LHPP: variants seen among roughly 807,000 people sequenced by gnomAD.
LHPP encodes the protein hLHPP.
In LHPP, 24 loss-of-function variants were observed where a neutral mutation model predicts 30.3. That is an observed-to-expected ratio of 0.79 (90% confidence interval 0.57 to 1.11). The LOEUF (loss-of-function observed/expected upper bound fraction) is 1.11, where lower values mean the gene tolerates loss of function less well. Ranked by LOEUF, LHPP falls within the 50% of genes most tolerant of loss-of-function variation. The probability of loss-of-function intolerance (pLI) is 0.00; values close to 1 mark genes in which losing one functional copy is unlikely to be tolerated. For missense variants in LHPP, 356 were observed against 367.2 expected (o/e 0.97, Z 0.25); for synonymous variants, 150 against 157.1 (o/e 0.95, Z 0.34).
rs534252631 is a variant in LHPP, at chr10:124,549,421, C to G, written c.716+32150C>G. Among the ~76,000 whole-genome samples the G allele has an allele frequency of 6.0e-5, 9 of 149,930 alleles. No individual in the cohort carries two copies. In the South Asian group the frequency reaches 1.9e-3, roughly 32 times the overall value. On this transcript the variant is annotated intron_variant, in intron 6 of 6. Transcript: ENST00000368842. ...GCCATGCACTCCAGCCTGGACAACACAGCAAGACCCTGTCTCAAAAAAAAA... is the reference window on the plus strand; with the variant it reads ...GCCATGCACTCCAGCCTGGACAACAGAGCAAGACCCTGTCTCAAAAAAAAA...
intron 1 of LHPP, among the ~76,000 whole-genome samples, chr10:124,473,259 G>T (rs1261895651): frequency 6.6e-6 from 1 of 152,206 alleles, no homozygotes; most frequent in Non-Finnish European, 1.5e-5. Flanking sequence ...TGGCAAAGCA[G>T]TGCCACACCT....
At chr10:124,532,823 C>T (rs762653120) in intron 6 of LHPP, among the ~76,000 whole-genome samples, 1 of 152,198 alleles carries the variant, frequency 6.6e-6, no homozygotes, top group Non-Finnish European at 1.5e-5. Context: ...TCCCAACTGT[C>T]CCTATGGCCC....
chr10:124,515,747 C>G (rs1483493418), intron 5 of LHPP, among the ~76,000 whole-genome samples: 2 of 152,198 alleles, frequency 1.3e-5, no homozygotes, highest in South Asian at 2.1e-4. Flanking sequence ...CTTCTGAGAT[C>G]GCACTCAATG....
At chr10:124,555,425 A>T (rs951787954) in intron 6 of LHPP, among the ~76,000 whole-genome samples, 2 of 152,142 alleles carry the variant, frequency 1.3e-5, no homozygotes, top group African/African-American at 4.8e-5. Flanking sequence ...GGCCCTCCCC[A>T]CTTGTCCAAA....
chr10:124,613,184 T>G, intron 6 of LHPP, 80 bp from the exon 7 acceptor site: 1 of 1,075,940 alleles, frequency 9.3e-7, no homozygotes, highest in Non-Finnish European at 1.4e-6. Context: ...GCCAGGCCCA[T>G]GTTAGATGCT....
rs763848667 is a variant in LHPP at position 124,510,589 on chromosome 10, A to G, written c.625-6591A>G. ...CCACAAATGTTCCAGCCCAGGAAGA[A>G]CCAAGTCTGTATTCTGGGAGGGAAA... On this transcript the variant is annotated intron_variant, in intron 5 of 6. Transcript: ENST00000368842. The surrounding 1 kb of genome is among the most constrained non-coding windows in gnomAD (Gnocchi z 4.0). 6.6e-6 allele frequency among the ~76,000 whole-genome samples: 1 copy of G among 152,232 alleles called. No individual in the cohort carries two copies. Among genetic ancestry groups the G allele is most frequent in the African/African-American group, 2.4e-5 (1 of 41,462 alleles).
At chr10:124,487,664 G>A (rs544749504) in intron 2 of LHPP, among the ~76,000 whole-genome samples, 13 of 151,986 alleles carry the variant, frequency 8.6e-5, no homozygotes, top group Non-Finnish European at 1.3e-4. Context: ...GGCTGGTCTC[G>A]AACTCCTGAA....
chr10:124,534,224 C>T (rs1052909905), intron 6 of LHPP, among the ~76,000 whole-genome samples: 1 of 152,268 alleles, frequency 6.6e-6, no homozygotes, highest in Non-Finnish European at 1.5e-5. Context: ...GGCTTGGCGG[C>T]CCATGCCGGG....
At chr10:124,485,823 A>G (rs1168875452) in intron 2 of LHPP, among the ~76,000 whole-genome samples, 11 of 151,548 alleles carry the variant, frequency 7.3e-5, no homozygotes, top group Admixed American at 7.2e-4. Context: ...CTCGTCTTAA[A>G]CTCCTGACCT....
intron 6 of LHPP, among the ~76,000 whole-genome samples, chr10:124,536,815 C>A (rs567651050): frequency 3.3e-5 from 5 of 152,116 alleles, no homozygotes; most frequent in African/African-American, 1.2e-4. Flanking sequence ...CCAGACAGAT[C>A]GGGGAGGATT....
chr10:124,521,268 G>A (rs1172861263), intron 6 of LHPP, among the ~76,000 whole-genome samples: 1 of 152,234 alleles, frequency 6.6e-6, no homozygotes, highest in Non-Finnish European at 1.5e-5. Context: ...CCTGCCGCTG[G>A]GCCGGCATCC....
chr10:124,521,184 T>C (rs1221427402), intron 6 of LHPP, among the ~76,000 whole-genome samples: 1 of 152,160 alleles, frequency 6.6e-6, no homozygotes, highest in Non-Finnish European at 1.5e-5. Context: ...GGGACTGGAA[T>C]TGCCTGCGTG....
At chr10:124,587,551 C>T (rs1429305462) in intron 6 of LHPP, among the ~76,000 whole-genome samples, 1 of 151,384 alleles carries the variant, frequency 6.6e-6, no homozygotes. Context: ...GCCAGCCTGA[C>T]TAACACGGGG....
At chr10:124,542,143 G>A (rs1408151181) in intron 6 of LHPP, among the ~76,000 whole-genome samples, 2 of 152,116 alleles carry the variant, frequency 1.3e-5, no homozygotes, top group Non-Finnish European at 2.9e-5. Flanking sequence ...GAGCTGACCA[G>A]CACCTGGGGC....
At chr10:124,564,125 ATTTTT>A (rs1462469799) in intron 6 of LHPP, among the ~76,000 whole-genome samples, 1 of 123,960 alleles carries the variant, frequency 8.1e-6, no homozygotes, top group Non-Finnish European at 1.7e-5. Context: ...TTAAAAAAAA[ATTTTT>A]TTTTTTTTTT....
chr10:124,521,282 C>T (rs769493755), intron 6 of LHPP, among the ~76,000 whole-genome samples: 8 of 152,258 alleles, frequency 5.3e-5, no homozygotes, highest in Non-Finnish European at 1.0e-4. Context: ...GGCATCCCTT[C>T]CTTCCAGGAA....
At chr10:124,513,686 C>A (rs1163219491) in intron 5 of LHPP, among the ~76,000 whole-genome samples, 1 of 150,048 alleles carries the variant, frequency 6.7e-6, no homozygotes, top group Non-Finnish European at 1.5e-5. Context: ...GAACTCCTGA[C>A]CTCAAGTGAT....
intron 2 of LHPP, among the ~76,000 whole-genome samples, chr10:124,484,752 C>T (rs1953267819): frequency 6.6e-6 from 1 of 152,006 alleles, no homozygotes; most frequent in Non-Finnish European, 1.5e-5. Context: ...AGGTCCATAG[C>T]TTCTAACGTC....
At chr10:124,568,789 C>T (rs1046721335) in intron 6 of LHPP, among the ~76,000 whole-genome samples, 9 of 152,192 alleles carry the variant, frequency 5.9e-5, no homozygotes, top group Non-Finnish European at 1.2e-4. Flanking sequence ...CCTCACCTCG[C>T]CGTTACACAC....
Sources: allele counts gnomAD v4.1 joint callset (sites outside exome capture counted in the v4.1 genomes callset), GRCh38; gene constraint gnomAD v4.1.1; non-coding constraint Gnocchi (gnomAD v3.1); transcripts MANE v1.5; gene names NCBI Gene and HGNC (gene_info 2026-07-23, HGNC 2026-07-21).